Variants in CD96 observed in about 807,000 individuals in gnomAD.
The protein encoded by CD96 is CD96 molecule.
CD96 carries 70 observed loss-of-function variants against 71.3 expected under a neutral mutation model. That is an observed-to-expected ratio of 0.98 (90% CI 0.81 to 1.20). CD96 has a LOEUF of 1.20. CD96 is among the 50% of genes most tolerant of loss of function. CD96 has a pLI of 0.00. For missense variants in CD96, 742 were observed against 677.5 expected (o/e 1.10, Z -1.06); for synonymous variants, 248 against 233.0 (o/e 1.06, Z -0.59).
At chr3:111,585,233 G>A in intron 4 of CD96, 90 bp from the exon 5 acceptor site, 2 of 559,462 alleles carry the variant, frequency 3.6e-6, no homozygotes, top group Non-Finnish European at 6.5e-6. Flanking sequence ...AATGAATGAA[G>A]ATGCTTATAG....
chr3:111,574,709 ATGTT>A (rs1393507635), intron 3 of CD96, among the ~76,000 whole-genome samples: 1 of 151,832 alleles, frequency 6.6e-6, no homozygotes, highest in African/African-American at 2.4e-5. Context: ...TTGTGTGTAC[ATGTT>A]TGTTCTTCTC....
intron 8 of CD96, among the ~76,000 whole-genome samples, chr3:111,622,053 A>G (rs1938541539): frequency 6.6e-6 from 1 of 152,188 alleles, no homozygotes; most frequent in Non-Finnish European, 1.5e-5. Context: ...GAGGAGAAGA[A>G]TTGTAGGTGA....
At chr3:111,645,681 T>A (rs1250014598) in intron 12 of CD96, among the ~76,000 whole-genome samples, 1 of 152,134 alleles carries the variant, frequency 6.6e-6, no homozygotes, top group Non-Finnish European at 1.5e-5. Flanking sequence ...TCTTTCATGA[T>A]CATGCTACTC....
At chr3:111,617,829 A>G (rs1268558558) in intron 8 of CD96, among the ~76,000 whole-genome samples, 1 of 152,178 alleles carries the variant, frequency 6.6e-6, no homozygotes, top group Non-Finnish European at 1.5e-5. Flanking sequence ...ACCACATTGC[A>G]AGCAATGAGA....
chr3:111,638,193 G>T, intron 12 of CD96, 25 bp downstream of exon 12: 1 of 1,347,330 alleles, frequency 7.4e-7, no homozygotes, highest in Non-Finnish European at 1.1e-6. Context: ...CTATTTTGGG[G>T]GATTTTATGC....
intron 2 of CD96, among the ~76,000 whole-genome samples, chr3:111,554,632 T>C (rs1407292207): frequency 6.6e-6 from 1 of 152,078 alleles, no homozygotes; most frequent in Non-Finnish European, 1.5e-5. Context: ...ACTCAACAGT[T>C]CAGTGTTAAA....
chr3:111,577,568 G>T lies in CD96; in HGVS notation c.544-1459G>T, dbSNP rs766079510. On this transcript the variant is annotated intron_variant, in intron 3 of 13. Transcript: ENST00000352690. ...TATAAAGGTATGTAAATTGCTGCAG[G>T]AAAAAGAATTCAGCAGAGTATGATT... 3 of 1,508,010 alleles carry T rather than the reference G, an allele frequency of 2.0e-6. No homozygotes were observed. The East Asian group carries it at 6.8e-5, about 34-fold the overall frequency. The allele number at this position is 1,508,010 out of a possible 1,614,324, so 93.4% of individuals were successfully genotyped here. A position where few individuals can be genotyped will look rare whatever the true frequency, so the allele number is the denominator to read the frequency against.
chr3:111,548,504 C>T (rs1934530821), intron 2 of CD96, among the ~76,000 whole-genome samples: 1 of 152,170 alleles, frequency 6.6e-6, no homozygotes, highest in Admixed American at 6.5e-5. Flanking sequence ...ATGCAGTTCT[C>T]TGAGTTAAGC....
intron 7 of CD96, 32 bp downstream of exon 7, chr3:111,600,946 G>A: frequency 1.5e-6 from 2 of 1,368,900 alleles, no homozygotes; most frequent in Non-Finnish European, 2.1e-6. Context: ...ATCAACAAGA[G>A]TTTGCTAAGA....
At position 111,638,195 on chromosome 3, in the gene CD96, A is replaced by G. The variant is rs771773243; in HGVS notation, c.1477+27A>G. 2.0e-5 allele frequency: 26 copies of G among 1,321,612 alleles called. No individual in the cohort carries two copies. In the South Asian group the frequency reaches 3.1e-4, roughly 16 times the overall value. The allele number at this position is 1,321,612 out of a possible 1,614,324, so 81.9% of individuals were successfully genotyped here. A position where few individuals can be genotyped will look rare whatever the true frequency, so the allele number is the denominator to read the frequency against. On this transcript the variant is annotated intron_variant, in intron 12 of 13. Coordinates refer to ENST00000352690, the MANE Select transcript of CD96 (RefSeq NM_005816.5). The stretch of plus-strand genomic sequence containing the variant: ...TAAGTCATTTATCCTATTTTGGGGG[A>G]TTTTATGCTTTATTCACTCAATAAA...
intron 4 of CD96, among the ~76,000 whole-genome samples, chr3:111,580,999 A>G (rs1456900139): frequency 6.6e-6 from 1 of 152,184 alleles, no homozygotes; most frequent in Non-Finnish European, 1.5e-5. Context: ...AACTTGATCT[A>G]ATTGCCTTGT....
chr3:111,542,337 CG>C, intron 1 of CD96, 28 bp downstream of exon 1: 1 of 1,571,190 alleles, frequency 6.4e-7, no homozygotes, highest in Non-Finnish European at 8.8e-7. Flanking sequence ...CCCTTCTTGT[CG>C]GATGGGCCGC....
intron 5 of CD96, among the ~76,000 whole-genome samples, chr3:111,596,823 G>A (rs1265592629): frequency 1.3e-5 from 2 of 152,070 alleles, no homozygotes; most frequent in Non-Finnish European, 2.9e-5. Context: ...GCCCATATAT[G>A]TATCCCCATT....
At chr3:111,597,451 C>G (rs1159831181) in intron 5 of CD96, among the ~76,000 whole-genome samples, 1 of 152,092 alleles carries the variant, frequency 6.6e-6, no homozygotes, top group African/African-American at 2.4e-5. Context: ...ATATGTTGGA[C>G]TGAGATTAAG....
At chr3:111,639,116 C>G (rs187828695) in intron 12 of CD96, among the ~76,000 whole-genome samples, 34 of 152,302 alleles carry the variant, frequency 2.2e-4, no homozygotes, top group Admixed American at 1.9e-3. Context: ...AGATCAACTG[C>G]AAGAACAAAC....
chr3:111,591,054 A>G (rs1460521305), intron 5 of CD96, among the ~76,000 whole-genome samples: 1 of 152,196 alleles, frequency 6.6e-6, no homozygotes, highest in East Asian at 1.9e-4. Context: ...AAAGGAAGAG[A>G]GGCTACAATA....
chr3:111,582,195 C>T (rs1936497964), intron 4 of CD96, among the ~76,000 whole-genome samples: 2 of 152,168 alleles, frequency 1.3e-5, no homozygotes, highest in South Asian at 4.1e-4. Flanking sequence ...AAAGAGTTAT[C>T]CCAGTAAGAG....
Position 111,627,913 on chromosome 3 carries a change from A to G in CD96, c.1321+3509A>G, listed in dbSNP as rs3902830. Among the ~76,000 whole-genome samples, 1,147 of 152,298 alleles carry G rather than the reference A, an allele frequency of 7.5e-3. 17 individuals are homozygous for G. Among genetic ancestry groups the G allele is most frequent in the African/African-American group, 0.026 (1,088 of 41,556 alleles). ...ACCCGTAGCAAACCACAGTAGCCCT[A>G]CAGAAGAGTGCCCAGACTAGTCGTT... On this transcript the variant is annotated intron_variant, in intron 10 of 13. Transcript: ENST00000352690.
chr3:111,606,638 C>A, intron 7 of CD96, 62 bp from the exon 8 acceptor site: 1 of 861,456 alleles, frequency 1.2e-6, no homozygotes, highest in South Asian at 1.3e-5. Flanking sequence ...AGAACTAAGT[C>A]AATACTTTAT....
Sources: gnomAD v4.1 joint callset for allele counts (sites outside exome capture counted in the v4.1 genomes callset) on GRCh38, gnomAD v4.1.1 for gene constraint, MANE v1.5 for transcripts, NCBI Gene and HGNC (gene_info 2026-07-23, HGNC 2026-07-21) for gene names.